Variants in LRP5 observed in about 807,000 individuals in gnomAD.
LRP5 encodes LDL receptor related protein 5, also known as low-density lipoprotein receptor-related protein 5.
A neutral mutation model predicts 154.1 loss-of-function variants in LRP5; 62 were observed. That is an observed-to-expected ratio of 0.40 (90% CI 0.33 to 0.50). The LOEUF is 0.50. LRP5 is among the 20% of genes least tolerant of loss of function. The pLI, the probability that LRP5 is intolerant of heterozygous loss-of-function variation, is 0.55. For synonymous variants in LRP5, 966 were observed against 1,011.5 expected (o/e 0.96, Z 0.85); for missense variants, 1,915 against 2,336.7 (o/e 0.82, Z 3.72).
In LRP5 at chr11:68,361,878, G is replaced by A. The variant is rs190907245; in HGVS notation, c.687-1869G>A. Among the ~76,000 whole-genome samples, 22 of 152,306 alleles carry A rather than the reference G, an allele frequency of 1.4e-4. No homozygotes were observed. The East Asian group carries it at 2.1e-3, about 15-fold the overall frequency. On this transcript the variant is annotated intron_variant, in intron 3 of 22. Coordinates refer to ENST00000294304, the MANE Select transcript of LRP5 (RefSeq NM_002335.4). ...AAACAGTTTGTTGATTCCTTGAGACGTAAACATTGATTTACGTATGACCCA... is the reference window on the plus strand; with the variant it reads ...AAACAGTTTGTTGATTCCTTGAGACATAAACATTGATTTACGTATGACCCA...
the LRP5 span, among the ~76,000 whole-genome samples, chr11:68,307,256 G>C: frequency 6.6e-6 from 1 of 152,112 alleles, no homozygotes; most frequent in Non-Finnish European, 1.5e-5. Context: ...AGGATGGCTT[G>C]ATCCTAGGAG....
In LRP5 at chr11:68,356,000, C is replaced by T. The variant is rs184778301; in HGVS notation, c.489-1650C>T. On this transcript the variant is annotated intron_variant, in intron 2 of 22. Transcript: ENST00000294304. ...GACTACAGGTGTCCGCCACCATGCC[C>T]GGCTAATTTTTTTTTTTGTACTTTT... 3.1e-4 allele frequency among the ~76,000 whole-genome samples: 47 copies of T among 152,050 alleles called. No individual in the cohort carries two copies. In the East Asian group the frequency reaches 3.1e-3, roughly 10 times the overall value.
chr11:68,347,445 A>C (rs1565334239), intron 1 of LRP5, among the ~76,000 whole-genome samples: 1 of 152,190 alleles, frequency 6.6e-6, no homozygotes, highest in East Asian at 1.9e-4. Flanking sequence ...CTGTGCCTGC[A>C]TGTCCCCATC....
intron 1 of LRP5, among the ~76,000 whole-genome samples, chr11:68,322,234 C>T (rs1461736832): frequency 1.4e-4 from 21 of 152,094 alleles, no homozygotes; most frequent in Non-Finnish European, 8.8e-5. Context: ...CCAGCTCTGT[C>T]CCCTGCCCTC....
chr11:68,346,003 T>A (rs1054343120), intron 1 of LRP5, among the ~76,000 whole-genome samples: 7 of 152,204 alleles, frequency 4.6e-5, no homozygotes, highest in African/African-American at 1.7e-4. Flanking sequence ...GTTTGCCCAT[T>A]TTTGAGTTGG....
intron 9 of LRP5, among the ~76,000 whole-genome samples, 174 bp from the exon 10 acceptor site, chr11:68,409,740 C>T (rs1225974614): frequency 6.6e-6 from 1 of 151,508 alleles, no homozygotes; most frequent in Non-Finnish European, 1.5e-5. Context: ...TCCCCACCTA[C>T]TTGGGAGGCT....
chr11:68,397,781 C>G (rs907849917), intron 7 of LRP5, among the ~76,000 whole-genome samples: 7 of 152,214 alleles, frequency 4.6e-5, no homozygotes, highest in African/African-American at 1.7e-4. Context: ...TCAGGACGTA[C>G]CAGGTCTGGG....
At chr11:68,367,658 G>A (rs1181531825) in intron 5 of LRP5, among the ~76,000 whole-genome samples, 5 of 152,212 alleles carry the variant, frequency 3.3e-5, no homozygotes, top group Non-Finnish European at 7.3e-5. Flanking sequence ...AGTCCTGGCG[G>A]AAAGGGAAAG....
At chr11:68,375,791 A>C (rs2098637014) in intron 5 of LRP5, among the ~76,000 whole-genome samples, 1 of 152,154 alleles carries the variant, frequency 6.6e-6, no homozygotes, top group Non-Finnish European at 1.5e-5. Flanking sequence ...TGGGGATCTG[A>C]TTGAACGGAA....
rs1012080840 is a variant in LRP5, at chr11:68,440,520, G to A, written c.4488+604G>A. ...TGGCTGGGGAGAACCCCCGTTTCTGGGAGCACAGTCCCAGGATGCCAAGGC... is the reference window on the plus strand; with the variant it reads ...TGGCTGGGGAGAACCCCCGTTTCTGAGAGCACAGTCCCAGGATGCCAAGGC... On this transcript the variant is annotated intron_variant, in intron 21 of 22. Coordinates refer to ENST00000294304, the MANE Select transcript of LRP5 (RefSeq NM_002335.4). Among the ~76,000 whole-genome samples, 8 of 152,204 alleles carry A rather than the reference G, an allele frequency of 5.3e-5. No individual in the cohort carries two copies. In the South Asian group the frequency reaches 1.7e-3, roughly 31 times the overall value.
At chr11:68,417,700 C>T (rs757177582) in intron 13 of LRP5, among the ~76,000 whole-genome samples, 3 of 151,824 alleles carry the variant, frequency 2.0e-5, no homozygotes, top group Non-Finnish European at 4.4e-5. Context: ...TGTGGGAGGC[C>T]GAGGCAGGTG....
At chr11:68,420,372 C>T (rs2098664889) in intron 13 of LRP5, among the ~76,000 whole-genome samples, 1 of 152,118 alleles carries the variant, frequency 6.6e-6, no homozygotes, top group African/African-American at 2.4e-5. Flanking sequence ...TGTGTTATAG[C>T]CTGTGTCAGA....
At position 68,386,260 on chromosome 11, in the gene LRP5, G is replaced by T; in HGVS notation, c.1016-56G>T. 1 of 1,602,164 alleles carries T rather than the reference G, an allele frequency of 6.2e-7. No individual in the cohort carries two copies. Among genetic ancestry groups the T allele is most frequent in the South Asian group, 1.1e-5 (1 of 90,958 alleles). ...CCTTGCCCGGCCCACCCCAGGCCTAGACTTGTGCCTGCTGCAGGCCCTTGA... is the reference window on the plus strand; with the variant it reads ...CCTTGCCCGGCCCACCCCAGGCCTATACTTGTGCCTGCTGCAGGCCCTTGA... On this transcript the variant is annotated intron_variant, in intron 5 of 22. Transcript: ENST00000294304. The surrounding 1 kb of genome is among the most constrained non-coding windows in gnomAD (Gnocchi z 7.9).
At chr11:68,351,959 C>T (rs565350853) in intron 2 of LRP5, among the ~76,000 whole-genome samples, 14 of 151,954 alleles carry the variant, frequency 9.2e-5, no homozygotes, top group Non-Finnish European at 1.5e-4. Context: ...TGGTTTGGGG[C>T]GGGGCCTGTT....
chr11:68,364,601 A>G (rs2098629917), intron 4 of LRP5, among the ~76,000 whole-genome samples: 1 of 152,144 alleles, frequency 6.6e-6, no homozygotes, highest in Non-Finnish European at 1.5e-5. Flanking sequence ...GGGTTGTGAC[A>G]GAGGTCCCTG....
At chr11:68,355,308 A>G (rs1002072532) in intron 2 of LRP5, among the ~76,000 whole-genome samples, 1 of 152,072 alleles carries the variant, frequency 6.6e-6, no homozygotes, top group Non-Finnish European at 1.5e-5. Flanking sequence ...ATCACTTGCT[A>G]AGGCTGAGGG....
rs201475647 is a variant in LRP5, at chr11:68,446,458, C to T, written c.4511C>T (p.Pro1504Leu). Residue 1504 changes from proline to leucine, a missense_variant, in exon 22 of 23, where the codon CCG becomes CTG. By Grantham distance (98) the Pro-to-Leu change is moderately conservative. Coordinates refer to ENST00000294304, the MANE Select transcript of LRP5 (RefSeq NM_002335.4). ...YPPILNPPPS[P>L]ATDPSLYNMD... ...CAGATCCTGAACCCGCCGCCCTCCCCGGCCACGGACCCCTCCCTGTACAAC... is the reference window on the plus strand; with the variant it reads ...CAGATCCTGAACCCGCCGCCCTCCCTGGCCACGGACCCCTCCCTGTACAAC... 550 of 1,613,962 alleles carry T rather than the reference C, an allele frequency of 3.4e-4. 1 individual carries two copies. The highest frequency in any genetic ancestry group is 2.7e-4 in the Non-Finnish European group (318 of 1,179,868).
At chr11:68,363,165 G>A (rs115403890) in intron 3 of LRP5, among the ~76,000 whole-genome samples, 3,797 of 152,310 alleles carry the variant, frequency 0.025, 168 homozygotes, top group African/African-American at 0.087. Context: ...AGGTTAAAGC[G>A]TTGGGCAGGA....
intron 7 of LRP5, among the ~76,000 whole-genome samples, chr11:68,393,919 C>G (rs1355630270): frequency 6.6e-6 from 1 of 152,186 alleles, no homozygotes; most frequent in Non-Finnish European, 1.5e-5. Flanking sequence ...GCTTGCCACA[C>G]CTCAGCACTT....
Sources: allele counts gnomAD v4.1 joint callset (sites outside exome capture counted in the v4.1 genomes callset), GRCh38; gene constraint gnomAD v4.1.1; non-coding constraint Gnocchi (gnomAD v3.1); transcripts MANE v1.5; gene names NCBI Gene and HGNC (gene_info 2026-07-23, HGNC 2026-07-21).